Variants in SCRG1 observed in about 807,000 individuals in gnomAD.
The protein encoded by SCRG1 is scrapie-responsive protein 1.
Under a neutral mutation model 7.7 loss-of-function variants are expected in SCRG1, and 3 were observed. The ratio of observed to expected loss-of-function variants is 0.39; its 90% confidence interval spans 0.18 to 1.01. The LOEUF is 1.01. Ranked by LOEUF, SCRG1 falls within the 50% of genes least tolerant of loss-of-function variation. SCRG1 has a pLI of 0.36. For missense variants in SCRG1, 110 were observed against 117.2 expected (o/e 0.94, Z 0.28); for synonymous variants, 46 against 41.2 (o/e 1.12, Z -0.44).
At chr4:173,500,677 G>T in the SCRG1 span, among the ~76,000 whole-genome samples, 1 of 152,102 alleles carries the variant, frequency 6.6e-6, no homozygotes. Flanking sequence ...TAGAGATGGG[G>T]TTTCCCCATG....
chr4:173,400,566 C>T (rs2126921654), upstream of SCRG1, among the ~76,000 whole-genome samples: 1 of 152,302 alleles, frequency 6.6e-6, no homozygotes, highest in South Asian at 2.1e-4. Flanking sequence ...CAAATAATCT[C>T]AACTAAATAA....
the SCRG1 span, among the ~76,000 whole-genome samples, chr4:173,427,117 C>T: frequency 6.6e-5 from 10 of 152,314 alleles, no homozygotes; most frequent in African/African-American, 2.4e-4. Flanking sequence ...TGTTGAGTGA[C>T]TTTTCCAGTG....
the SCRG1 span, among the ~76,000 whole-genome samples, chr4:173,457,666 A>T: frequency 6.6e-6 from 1 of 152,072 alleles, no homozygotes. Flanking sequence ...GCTACTTTTA[A>T]CTTAGGTTTT....
chr4:173,516,392 C>T, the SCRG1 span, among the ~76,000 whole-genome samples: 1 of 152,166 alleles, frequency 6.6e-6, no homozygotes, highest in Non-Finnish European at 1.5e-5. Context: ...CATCTGCAGG[C>T]GGCCGAGAAG....
the SCRG1 span, among the ~76,000 whole-genome samples, chr4:173,464,392 T>C: frequency 1.3e-5 from 2 of 152,310 alleles, no homozygotes; most frequent in African/African-American, 4.8e-5. Flanking sequence ...TGGATTCAGT[T>C]GGAAGCACCA....
the SCRG1 span, among the ~76,000 whole-genome samples, chr4:173,486,130 G>T: frequency 6.6e-6 from 1 of 152,192 alleles, no homozygotes; most frequent in Non-Finnish European, 1.5e-5. Context: ...GGAGTCTGTA[G>T]TTCAGAGAAT....
At chr4:173,518,705 C>A in the SCRG1 span, among the ~76,000 whole-genome samples, 1 of 152,214 alleles carries the variant, frequency 6.6e-6, no homozygotes, top group Non-Finnish European at 1.5e-5. Context: ...CCCTGCGCCC[C>A]CTTTTTGGTC....
the SCRG1 span, among the ~76,000 whole-genome samples, chr4:173,495,397 G>A: frequency 6.6e-6 from 1 of 152,292 alleles, no homozygotes; most frequent in East Asian, 1.9e-4. Flanking sequence ...ACTTTTAAAC[G>A]GTGAAATCTA....
At chr4:173,394,054 T>C (rs1220529115) in intron 1 of SCRG1, among the ~76,000 whole-genome samples, 1 of 152,128 alleles carries the variant, frequency 6.6e-6, no homozygotes, top group Non-Finnish European at 1.5e-5. Context: ...ATATATTGTT[T>C]TTTTTTCTTT....
At chr4:173,509,118 A>C in the SCRG1 span, among the ~76,000 whole-genome samples, 1 of 152,186 alleles carries the variant, frequency 6.6e-6, no homozygotes, top group African/African-American at 2.4e-5. This position sits in a 1 kb window ranked among gnomAD's most constrained non-coding sequence, Gnocchi z 5.7. Flanking sequence ...GGAGGAGTCC[A>C]GAATTGGTGG....
the SCRG1 span, chr4:173,470,043 G>A: frequency 4.3e-4 from 66 of 151,754 alleles, no homozygotes; most frequent in Admixed American, 4.3e-3. Flanking sequence ...CAGAGTCAGG[G>A]GGAATGGGGA....
chr4:173,501,097 C>T, the SCRG1 span, among the ~76,000 whole-genome samples: 2 of 152,194 alleles, frequency 1.3e-5, no homozygotes, highest in Non-Finnish European at 2.9e-5. The surrounding 1 kb of genome is among the most constrained non-coding windows in gnomAD (Gnocchi z 5.1). Flanking sequence ...GACTGGGGCC[C>T]CTCCAAAGTG....
At chr4:173,507,716 C>A in the SCRG1 span, among the ~76,000 whole-genome samples, 1 of 152,332 alleles carries the variant, frequency 6.6e-6, no homozygotes, top group African/African-American at 2.4e-5. The surrounding 1 kb of genome is among the most constrained non-coding windows in gnomAD (Gnocchi z 4.4). Flanking sequence ...GAGAAGCCAA[C>A]AACCCCGCAG....
At chr4:173,508,715 C>A in the SCRG1 span, among the ~76,000 whole-genome samples, 1 of 152,152 alleles carries the variant, frequency 6.6e-6, no homozygotes, top group East Asian at 1.9e-4. The surrounding 1 kb of genome is among the most constrained non-coding windows in gnomAD (Gnocchi z 4.4). Context: ...CCCAACCTGC[C>A]CCGGCCGAGT....
intron 1 of SCRG1, among the ~76,000 whole-genome samples, chr4:173,396,407 C>G (rs1739604521): frequency 1.3e-5 from 2 of 152,132 alleles, no homozygotes; most frequent in Admixed American, 1.3e-4. Context: ...GGCTGAGGCC[C>G]AGGGCAATTC....
chr4:173,497,105 C>A, the SCRG1 span, among the ~76,000 whole-genome samples: 3 of 151,360 alleles, frequency 2.0e-5, no homozygotes, highest in African/African-American at 7.3e-5. Context: ...GACTCTGTCT[C>A]AAAAAAACAA....
chr4:173,471,131 A>G, the SCRG1 span, among the ~76,000 whole-genome samples: 1 of 152,238 alleles, frequency 6.6e-6, no homozygotes, highest in East Asian at 1.9e-4. Context: ...AAGTAGAGTC[A>G]TAGTCAGAAA....
At chr4:173,490,844 C>T in the SCRG1 span, among the ~76,000 whole-genome samples, 4 of 152,124 alleles carry the variant, frequency 2.6e-5, no homozygotes, top group African/African-American at 7.2e-5. Flanking sequence ...TTTTCAGGGG[C>T]AGGTCTTGCT....
At chr4:173,391,453 G>A in intron 1 of SCRG1, 25 bp from the exon 2 acceptor site, 1 of 1,610,356 alleles carries the variant, frequency 6.2e-7, no homozygotes, top group Middle Eastern at 1.7e-4. Flanking sequence ...AGACCAAAAT[G>A]TGTCAATGTT....
Sources: gnomAD v4.1 joint callset for allele counts (sites outside exome capture counted in the v4.1 genomes callset) on GRCh38, gnomAD v4.1.1 for gene constraint, Gnocchi (gnomAD v3.1) non-coding constraint, MANE v1.5 for transcripts, NCBI Gene and HGNC (gene_info 2026-07-23, HGNC 2026-07-21) for gene names.